The following WDFY4 variants were observed in gnomAD, a reference collection of about 807,000 sequenced individuals.
WDFY4 encodes the protein WDFY family member 4, also known as WD repeat- and FYVE domain-containing protein 4.
WDFY4 carries 169 observed loss-of-function variants against 351.9 expected under a neutral mutation model. The ratio of observed to expected loss-of-function variants is 0.48; its 90% CI spans 0.42 to 0.55. The LOEUF (loss-of-function observed/expected upper bound fraction) is 0.55, where lower values mean the gene tolerates loss of function less well. WDFY4 is among the 20% of genes least tolerant of loss of function. The pLI is 0.00. For missense variants in WDFY4, 3,803 were observed against 3,935.6 expected (o/e 0.97, Z 0.90); for synonymous variants, 1,622 against 1,574.6 (o/e 1.03, Z -0.71).
At chr10:48,974,734 G>A (rs1045679617) in intron 57 of WDFY4, 128 bp from the exon 58 acceptor site, 9 of 970,826 alleles carry the variant, frequency 9.3e-6, no homozygotes, top group Non-Finnish European at 1.3e-5. Flanking sequence ...CAACAGACTT[G>A]GGAATCACTG....
intron 12 of WDFY4, among the ~76,000 whole-genome samples, chr10:48,752,402 G>C (rs73308041): frequency 0.026 from 4,031 of 152,286 alleles, 186 homozygotes; most frequent in African/African-American, 0.091. Context: ...ACTGAGGTGA[G>C]ATTTGCAGAA....
chr10:48,981,801 CT>C (rs1842819227), intron 61 of WDFY4, among the ~76,000 whole-genome samples: 1 of 152,228 alleles, frequency 6.6e-6, no homozygotes. Context: ...GCCTTTTCCC[CT>C]GAGTTCCACT....
intron 39 of WDFY4, among the ~76,000 whole-genome samples, chr10:48,857,242 A>G (rs1644340540): frequency 6.6e-6 from 1 of 152,034 alleles, no homozygotes; most frequent in African/African-American, 2.4e-5. Flanking sequence ...TTCCCATTTT[A>G]TCACACAAAC....
At chr10:48,957,909 C>G (rs748357465) in intron 52 of WDFY4, among the ~76,000 whole-genome samples, 6 of 152,202 alleles carry the variant, frequency 3.9e-5, no homozygotes, top group Non-Finnish European at 8.8e-5. Context: ...CCACTGCAAA[C>G]AGTTGCAAGG....
chr10:48,921,623 G>T (rs1415239481), intron 47 of WDFY4, among the ~76,000 whole-genome samples: 1 of 151,884 alleles, frequency 6.6e-6, no homozygotes, highest in Non-Finnish European at 1.5e-5. Flanking sequence ...AAAACGTTGA[G>T]CATGAAAAGA....
At chr10:48,966,181 C>T (rs139967316) in intron 54 of WDFY4, among the ~76,000 whole-genome samples, 30 of 152,186 alleles carry the variant, frequency 2.0e-4, no homozygotes, top group African/African-American at 5.5e-4. Flanking sequence ...ATCTAGGGAA[C>T]GAAGAGGGTC....
At chr10:48,805,715 C>A (rs984887361) in intron 26 of WDFY4, among the ~76,000 whole-genome samples, 1 of 152,216 alleles carries the variant, frequency 6.6e-6, no homozygotes, top group Admixed American at 6.5e-5. Context: ...GCCAATGACC[C>A]ACATGCCTGG....
intron 51 of WDFY4, among the ~76,000 whole-genome samples, chr10:48,948,622 G>A (rs1486957106): frequency 6.6e-6 from 1 of 152,202 alleles, no homozygotes; most frequent in Admixed American, 6.5e-5. Context: ...CCACTTAATA[G>A]ATGCAAAATC....
chr10:48,915,701 C>T lies in WDFY4; in HGVS notation c.7586+13838C>T, dbSNP rs1453317182. ...TACTGAAAATCCCACTGTCACCACTCATAGCTGAAGGGTCAGAGGGTCCTA... is the reference window on the plus strand; with the variant it reads ...TACTGAAAATCCCACTGTCACCACTTATAGCTGAAGGGTCAGAGGGTCCTA... On this transcript the variant is annotated intron_variant, in intron 47 of 61. Coordinates refer to ENST00000325239, the MANE Select transcript of WDFY4 (RefSeq NM_001394531.1). Among the ~76,000 whole-genome samples the T allele has an allele frequency of 4.6e-5, 7 of 152,344 alleles. No individual in the cohort carries two copies. In the East Asian group the frequency reaches 1.2e-3, roughly 25 times the overall value.
At chr10:48,794,183 T>G (rs989151173) in intron 23 of WDFY4, among the ~76,000 whole-genome samples, 4 of 152,158 alleles carry the variant, frequency 2.6e-5, no homozygotes, top group African/African-American at 9.7e-5. Context: ...GGAAACGGAC[T>G]GACAGAGGTG....
At chr10:48,698,829 A>G (rs1373328068) in intron 1 of WDFY4, among the ~76,000 whole-genome samples, 1 of 152,186 alleles carries the variant, frequency 6.6e-6, no homozygotes, top group Non-Finnish European at 1.5e-5. Flanking sequence ...GGATGTGTGC[A>G]TGTGTGTAGG....
chr10:48,896,426 C>A (rs1837079416), intron 44 of WDFY4, among the ~76,000 whole-genome samples: 1 of 152,104 alleles, frequency 6.6e-6, no homozygotes, highest in Non-Finnish European at 1.5e-5. Context: ...CTCAGGGCTG[C>A]CGAAGATGTC....
At position 48,876,074 on chromosome 10, in the gene WDFY4, C is replaced by T. The variant is rs189089982; in HGVS notation, c.7000+934C>T. On this transcript the variant is annotated intron_variant, in intron 42 of 61. Transcript: ENST00000325239. ...CTCTCATTCTTGACATGCAGAGCCC[C>T]TGGGTGTCTGTGACCCTGGGCCTTC... 1.7e-3 allele frequency among the ~76,000 whole-genome samples: 259 copies of T among 152,296 alleles called. 2 individuals carry two copies. The highest frequency in any genetic ancestry group is 0.01 in the Middle Eastern group (3 of 294).
intron 20 of WDFY4, among the ~76,000 whole-genome samples, chr10:48,787,874 CTTTCTTTCTTCTTCTT>C (rs2066480087): frequency 1.2e-5 from 1 of 86,310 alleles, no homozygotes; most frequent in African/African-American, 6.3e-5. Flanking sequence ...CTTCTTTCTT[CTTTCTTTCTTCTTCTT>C]CTCCTTCTTC....
At chr10:48,686,247 G>C (rs1041500103) in intron 1 of WDFY4, among the ~76,000 whole-genome samples, 1 of 148,150 alleles carries the variant, frequency 6.7e-6, no homozygotes, top group African/African-American at 2.5e-5. Flanking sequence ...TTGGGAGGCT[G>C]AGAGGGGCAG....
intron 47 of WDFY4, among the ~76,000 whole-genome samples, chr10:48,923,506 A>ATGTATGTATGTATG (rs1554812692): frequency 8.7e-6 from 1 of 115,116 alleles, no homozygotes; most frequent in East Asian, 2.7e-4. Flanking sequence ...GTATATATAT[A>ATGTATGTATGTATG]TATATATGTC....
Position 48,721,249 on chromosome 10 carries a change from A to G in WDFY4, c.350-12A>G. The G allele has an allele frequency of 6.4e-7, 1 of 1,551,448 alleles. No homozygotes were observed. The highest frequency in any genetic ancestry group is 2.4e-5 in the East Asian group (1 of 40,920). ...GGTCGCTGTATGCCCTGCTGGTGACACTTTCTTCCAGAGCAAGCTCGGTTG... is the reference window on the plus strand; with the variant it reads ...GGTCGCTGTATGCCCTGCTGGTGACGCTTTCTTCCAGAGCAAGCTCGGTTG... On this transcript the variant is annotated splice_polypyrimidine_tract_variant and intron_variant, in intron 3 of 61. Transcript: ENST00000325239.
intron 1 of WDFY4, among the ~76,000 whole-genome samples, chr10:48,701,331 G>C (rs954076436): frequency 3.9e-5 from 6 of 152,146 alleles, no homozygotes; most frequent in African/African-American, 1.4e-4. Flanking sequence ...ACACTGGCTT[G>C]TCTCCACCCT....
chr10:48,884,883 G>A (rs2137915), intron 43 of WDFY4, among the ~76,000 whole-genome samples: 19,064 of 152,128 alleles, frequency 0.13, 1,314 homozygotes, highest in Middle Eastern at 0.21. Flanking sequence ...ACACTGCTGG[G>A]AGAGCTGATA....
Sources: gnomAD v4.1 joint callset for allele counts (sites outside exome capture counted in the v4.1 genomes callset) on GRCh38, gnomAD v4.1.1 for gene constraint, MANE v1.5 for transcripts, NCBI Gene and HGNC (gene_info 2026-07-23, HGNC 2026-07-21) for gene names.